MACROD2: variants seen among roughly 807,000 people sequenced by gnomAD.
MACROD2 encodes the protein ADP-ribose glycohydrolase MACROD2.
In MACROD2, 36 loss-of-function variants were observed where a neutral mutation model predicts 70.4. The ratio of observed to expected loss-of-function variants is 0.51; its 90% CI spans 0.39 to 0.68. The LOEUF is 0.68. Among genes scored for constraint, MACROD2 ranks in the 30% least tolerant of loss-of-function variants. MACROD2 has a pLI of 0.00. For missense variants in MACROD2, 496 were observed against 538.4 expected (o/e 0.92, Z 0.78); for synonymous variants, 172 against 178.8 (o/e 0.96, Z 0.30).
chr20:14,722,907 T>G (rs1040280304), intron 5 of MACROD2, among the ~76,000 whole-genome samples: 11 of 152,160 alleles, frequency 7.2e-5, no homozygotes, highest in Non-Finnish European at 1.2e-4. Flanking sequence ...ATAATTATAA[T>G]AACATAAGAT....
intron 8 of MACROD2, among the ~76,000 whole-genome samples, chr20:15,745,837 C>T (rs1354511632): frequency 1.3e-5 from 2 of 152,078 alleles, no homozygotes; most frequent in African/African-American, 4.8e-5. Context: ...CTTCTGTGCT[C>T]TTTCTGCTGT....
chr20:15,863,801 G>T (rs1236161452), intron 9 of MACROD2, among the ~76,000 whole-genome samples: 2 of 152,186 alleles, frequency 1.3e-5, no homozygotes, highest in Non-Finnish European at 2.9e-5. Context: ...ATCAGAGTAG[G>T]ATGTGTTCTA....
chr20:14,515,687 G>A (rs1416064103), intron 4 of MACROD2, among the ~76,000 whole-genome samples: 3 of 152,018 alleles, frequency 2.0e-5, no homozygotes, highest in African/African-American at 7.2e-5. Flanking sequence ...TGAAAAACTG[G>A]TTAGCAGAGG....
intron 3 of MACROD2, among the ~76,000 whole-genome samples, chr20:14,465,543 A>G (rs547204402): frequency 7.9e-5 from 12 of 152,038 alleles, no homozygotes; most frequent in Non-Finnish European, 1.0e-4. Flanking sequence ...ATTTAAGGTT[A>G]GTATTGTTAT....
intron 3 of MACROD2, among the ~76,000 whole-genome samples, chr20:14,362,218 G>A (rs561383849): frequency 2.1e-4 from 32 of 152,226 alleles, no homozygotes; most frequent in African/African-American, 7.7e-4. Context: ...TCCGATCATT[G>A]TTCCCAGCAC....
Position 15,215,109 on chromosome 20 carries a change from G to A in MACROD2, c.419-14831G>A, listed in dbSNP as rs561684028. 2.0e-5 allele frequency among the ~76,000 whole-genome samples: 3 copies of A among 152,174 alleles called. No homozygotes were observed. The South Asian group carries it at 6.2e-4, about 32-fold the overall frequency. ...GTGTAAATCCATGTTTATTTAAAGT[G>A]TATTATATTTATAAAAGATGAGGTA... On this transcript the variant is annotated intron_variant, in intron 5 of 17. Transcript: ENST00000684519.
At chr20:14,908,826 T>A (rs574087883) in intron 5 of MACROD2, among the ~76,000 whole-genome samples, 1 of 152,324 alleles carries the variant, frequency 6.6e-6, no homozygotes, top group Non-Finnish European at 1.5e-5. Flanking sequence ...TGTTTTTAAT[T>A]TGGCTCCTGC....
chr20:15,023,998 A>C (rs2075210580), intron 5 of MACROD2, among the ~76,000 whole-genome samples: 2 of 152,178 alleles, frequency 1.3e-5, no homozygotes, highest in South Asian at 4.1e-4. Flanking sequence ...AGTGTTCAAT[A>C]AATATAAGCA....
At chr20:15,538,013 T>G (rs1291633271) in intron 8 of MACROD2, among the ~76,000 whole-genome samples, 1 of 152,192 alleles carries the variant, frequency 6.6e-6, no homozygotes, top group African/African-American at 2.4e-5. Flanking sequence ...AGCCATCAAA[T>G]GTTTTGAGCA....
chr20:15,586,118 C>T (rs2048597572), intron 8 of MACROD2, among the ~76,000 whole-genome samples: 1 of 152,124 alleles, frequency 6.6e-6, no homozygotes, highest in Non-Finnish European at 1.5e-5. Flanking sequence ...CCTAAAATGC[C>T]CTTGTTCATC....
intron 3 of MACROD2, among the ~76,000 whole-genome samples, chr20:14,203,505 A>C (rs2081497678): frequency 6.6e-6 from 1 of 152,018 alleles, no homozygotes; most frequent in East Asian, 1.9e-4. Flanking sequence ...CTGATGTAAC[A>C]TTTATTTCTT....
chr20:15,742,145 C>T (rs975980336), intron 8 of MACROD2, among the ~76,000 whole-genome samples: 3 of 152,124 alleles, frequency 2.0e-5, no homozygotes, highest in Non-Finnish European at 2.9e-5. Flanking sequence ...TAAATATTAT[C>T]TGTGTTTCAA....
At chr20:14,460,224 C>T (rs35737714) in intron 3 of MACROD2, among the ~76,000 whole-genome samples, 1 of 151,970 alleles carries the variant, frequency 6.6e-6, no homozygotes, top group Non-Finnish European at 1.5e-5. Context: ...GATTTATAAT[C>T]CTTTGGGTAT....
intron 8 of MACROD2, among the ~76,000 whole-genome samples, chr20:15,518,278 G>A (rs1460412030): frequency 6.6e-6 from 1 of 152,254 alleles, no homozygotes; most frequent in African/African-American, 2.4e-5. Context: ...ACTGAGATCT[G>A]TAATGACAAA....
At chr20:14,255,066 C>G (rs1184036751) in intron 3 of MACROD2, among the ~76,000 whole-genome samples, 1 of 152,120 alleles carries the variant, frequency 6.6e-6, no homozygotes, top group Non-Finnish European at 1.5e-5. Context: ...AATATTGGCC[C>G]CCACTCTGTT....
intron 5 of MACROD2, among the ~76,000 whole-genome samples, chr20:14,809,803 C>T (rs2122169552): frequency 6.6e-6 from 1 of 152,180 alleles, no homozygotes; most frequent in Non-Finnish European, 1.5e-5. Context: ...ATAGTATAAA[C>T]ACCTCTATGC....
Position 15,495,122 on chromosome 20 carries a change from T to C in MACROD2, c.572-4652T>C, listed in dbSNP as rs75148469. On this transcript the variant is annotated intron_variant, in intron 7 of 17. Coordinates refer to ENST00000684519, the MANE Select transcript of MACROD2 (RefSeq NM_001351661.2). ...CTGTAGCCTCCCCTCCGGGTGGCCA[T>C]TCTACTTTTGTGAACAAAAGTCCCC... Among the ~76,000 whole-genome samples the C allele has an allele frequency of 3.4e-4, 52 of 152,338 alleles. No homozygotes were observed. The East Asian group carries it at 9.9e-3, about 29-fold the overall frequency.
chr20:15,268,124 GAGAA>G, intron 6 of MACROD2, among the ~76,000 whole-genome samples: 1 of 152,234 alleles, frequency 6.6e-6, no homozygotes, highest in East Asian at 1.9e-4. Context: ...GAGAGAGGAA[GAGAA>G]AGAGAGGAAG....
chr20:14,337,340 C>T, intron 3 of MACROD2: 2 of 240,320 alleles, frequency 8.3e-6, no homozygotes, highest in Non-Finnish European at 7.9e-6. Context: ...TCGTTTCTTT[C>T]TAGAGAGTAA....
Sources: gnomAD v4.1 joint callset for allele counts (sites outside exome capture counted in the v4.1 genomes callset) on GRCh38, gnomAD v4.1.1 for gene constraint, MANE v1.5 for transcripts, NCBI Gene and HGNC (gene_info 2026-07-23, HGNC 2026-07-21) for gene names.